The following NAE1 variants were observed in gnomAD, a reference collection of about 807,000 sequenced individuals.
NAE1 encodes the protein NEDD8-activating enzyme E1 regulatory subunit.
A neutral mutation model predicts 88.0 loss-of-function variants in NAE1; 59 were observed. The observed-to-expected ratio is 0.67, with a 90% confidence interval of 0.54 to 0.83. The LOEUF is 0.83. Among genes scored for constraint, NAE1 ranks in the 40% least tolerant of loss-of-function variants. The probability of loss-of-function intolerance (pLI) is 0.00; values close to 1 mark genes in which losing one functional copy is unlikely to be tolerated. For missense variants in NAE1, 554 were observed against 632.8 expected (o/e 0.88, Z 1.34); for synonymous variants, 186 against 208.9 (o/e 0.89, Z 0.95).
At chr16:66,803,284 T>C (rs1021252846) in intron 19 of NAE1, among the ~76,000 whole-genome samples, 166 bp from the exon 20 acceptor site, 2 of 152,206 alleles carry the variant, frequency 1.3e-5, no homozygotes, top group Non-Finnish European at 2.9e-5. Context: ...AAGCCTATAA[T>C]TCTTTTTGTT....
rs556278461 is a variant in NAE1 at position 66,807,380 on chromosome 16, G to A, written c.1330+1141C>T. ...CTCTGGGCAGCGCAGTGGCTCATGC[G>A]TGTAATCCCTGCACTTTGGGAGGCC... On this transcript the variant is annotated intron_variant, in intron 17 of 19. Coordinates refer to ENST00000290810, the MANE Select transcript of NAE1 (RefSeq NM_003905.4). Among the ~76,000 whole-genome samples, 40 of 152,110 alleles carry A rather than the reference G, an allele frequency of 2.6e-4. No individual in the cohort carries two copies. In the East Asian group the frequency reaches 7.5e-3, roughly 29 times the overall value.
In NAE1 at chr16:66,802,987, C is replaced by A; in HGVS notation, c.*22G>T. 7.0e-7 allele frequency: 1 copy of A among 1,431,276 alleles called. No individual in the cohort carries two copies. Among genetic ancestry groups the A allele is most frequent in the Non-Finnish European group, 9.9e-7 (1 of 1,014,154 alleles). The allele number at this position is 1,431,276 out of a possible 1,614,324, so 88.7% of individuals were successfully genotyped here. ...AATTACAGTTTCAATCATTAACACA[C>A]TACTTAAGGTGCTTGCTTACTCTAC... On this transcript the variant is annotated 3_prime_UTR_variant, in exon 20 of 20. Transcript: ENST00000290810.
intron 17 of NAE1, among the ~76,000 whole-genome samples, chr16:66,807,690 G>A (rs1430801547): frequency 6.6e-6 from 1 of 151,870 alleles, no homozygotes; most frequent in Admixed American, 6.6e-5. Context: ...TGTATCAGAT[G>A]GAGCAGCAGG....
Position 66,813,809 on chromosome 16 carries a change from C to T in NAE1, c.878G>A (p.Arg293His), listed in dbSNP as rs750845827. 4.3e-5 allele frequency: 70 copies of T among 1,613,724 alleles called. 1 individual carries two copies. The highest frequency in any genetic ancestry group is 5.3e-5 in the Non-Finnish European group (62 of 1,179,814). The change falls in exon 12 of 20, where the codon CGC (arginine) becomes CAC (histidine). Residue 293 changes from arginine to histidine, a missense_variant. Physicochemically the swap from Arg to His is conservative, Grantham distance 29 (BLOSUM62 0). Transcript: ENST00000290810. ...TACCTGTTTGGTGATATTTATGCAG[C>T]GATCATCATTAAATATATCTTCAAT... ...SSIEDIFNDDRCINITKQTPS... is the reference protein window; with the variant it reads ...SSIEDIFNDDHCINITKQTPS...
At chr16:66,823,023 T>C (rs963943311) in intron 6 of NAE1, among the ~76,000 whole-genome samples, 1 of 145,096 alleles carries the variant, frequency 6.9e-6, no homozygotes, top group African/African-American at 2.6e-5. Context: ...TCCCAACACT[T>C]TGGGAGGCCG....
chr16:66,824,808 G>A, intron 4 of NAE1, 47 bp downstream of exon 4: 1 of 1,519,088 alleles, frequency 6.6e-7, no homozygotes, highest in Non-Finnish European at 9.0e-7. Context: ...CAAAACACAG[G>A]GGCATCATTA....
chr16:66,808,820 T>C (rs1458037210), intron 16 of NAE1, 169 bp downstream of exon 16: 13 of 603,468 alleles, frequency 2.2e-5, no homozygotes, highest in Admixed American at 3.6e-5. Context: ...ACATTAAGTT[T>C]CATATAATAT....
At chr16:66,824,931 AT>A (rs1567496904) in intron 3 of NAE1, 46 bp from the exon 4 acceptor site, 1 of 1,544,316 alleles carries the variant, frequency 6.5e-7, no homozygotes, top group South Asian at 1.2e-5. Context: ...CTTACTGACT[AT>A]AAAGGAAAAG....
chr16:66,811,950 G>A (rs926817312), intron 13 of NAE1, among the ~76,000 whole-genome samples: 5 of 152,108 alleles, frequency 3.3e-5, no homozygotes, highest in Non-Finnish European at 5.9e-5. Context: ...CAAAGAAACC[G>A]AGCCAGCAGA....
intron 15 of NAE1, 80 bp from the exon 16 acceptor site, chr16:66,809,155 G>C: frequency 2.9e-6 from 3 of 1,052,562 alleles, no homozygotes; most frequent in Non-Finnish European, 4.3e-6. Flanking sequence ...TAAGAACAGA[G>C]AATTATGTGT....
intron 11 of NAE1, among the ~76,000 whole-genome samples, chr16:66,816,017 G>A (rs1960031247): frequency 6.6e-6 from 1 of 152,178 alleles, no homozygotes; most frequent in South Asian, 2.1e-4. Context: ...TCTCTAAAAA[G>A]TTGGTAATAA....
At chr16:66,808,447 C>A (rs1466215731) in intron 17 of NAE1, 74 bp downstream of exon 17, 5 of 1,032,790 alleles carry the variant, frequency 4.8e-6, no homozygotes, top group Non-Finnish European at 7.3e-6. Context: ...ATTATAAATA[C>A]CCTGAGAACA....
chr16:66,803,325 G>A (rs999755135), intron 19 of NAE1, among the ~76,000 whole-genome samples: 3 of 152,136 alleles, frequency 2.0e-5, no homozygotes, highest in Admixed American at 1.3e-4. Context: ...TAGTGTGGTT[G>A]ACCAAACTTT....
In NAE1 at chr16:66,830,856, C is replaced by G; in HGVS notation, c.44G>C (p.Arg15Pro). Reference protein sequence around the residue: ...GKLLKEQKYDRQLRLWGDHGQ... With the variant: ...GKLLKEQKYDPQLRLWGDHGQ... ...GTGAGCCTCGGCTCACCTCAGCTGC[C>G]GGTCGTACTTCTGCTCCTTGAGCAG... The change falls in exon 1 of 20, where the codon CGG becomes CCG. Residue 15 changes from arginine (R) to proline (P), a missense_variant. By Grantham distance (103) the Arg-to-Pro change is moderately radical (BLOSUM62 -2). Transcript: ENST00000290810. 2 of 1,527,308 alleles carry G rather than the reference C, an allele frequency of 1.3e-6. No individual in the cohort carries two copies. Among genetic ancestry groups the G allele is most frequent in the Non-Finnish European group, 1.7e-6 (2 of 1,146,104 alleles). 94.6% of individuals were successfully genotyped at this position (1,527,308 alleles called of 1,614,324 possible).
chr16:66,820,850 A>T (rs949774662), intron 7 of NAE1, among the ~76,000 whole-genome samples: 1 of 151,090 alleles, frequency 6.6e-6, no homozygotes, highest in Admixed American at 6.6e-5. Flanking sequence ...GCAGTGAGCC[A>T]AGATCGCGCC....
At chr16:66,809,355 T>C (rs899919845) in intron 15 of NAE1, among the ~76,000 whole-genome samples, 1 of 152,228 alleles carries the variant, frequency 6.6e-6, no homozygotes, top group Non-Finnish European at 1.5e-5. Context: ...TGTTTACCTT[T>C]GAGAATTGTT....
chr16:66,827,046 A>G (rs1960488813), intron 1 of NAE1, among the ~76,000 whole-genome samples: 2 of 152,194 alleles, frequency 1.3e-5, no homozygotes, highest in Non-Finnish European at 2.9e-5. Context: ...TGGGCACAAG[A>G]GCGACACTCT....
chr16:66,822,970 A>T (rs1960328216), intron 6 of NAE1, among the ~76,000 whole-genome samples: 1 of 149,804 alleles, frequency 6.7e-6, no homozygotes, highest in African/African-American at 2.4e-5. Context: ...GCCCAGCCAT[A>T]AATCTGAAAC....
intron 19 of NAE1, 186 bp downstream of exon 19, chr16:66,805,591 T>A (rs1664909904): frequency 2.3e-6 from 1 of 430,938 alleles, no homozygotes; most frequent in South Asian, 1.2e-4. Context: ...CGAGCTATGA[T>A]GGCATCAATA....
Sources: gnomAD v4.1 joint callset for allele counts (sites outside exome capture counted in the v4.1 genomes callset) on GRCh38, gnomAD v4.1.1 for gene constraint, MANE v1.5 for transcripts, NCBI Gene and HGNC (gene_info 2026-07-23, HGNC 2026-07-21) for gene names.